Variants in PCBP3 observed in about 807,000 individuals in gnomAD.
PCBP3 encodes the protein poly(rC) binding protein 3, also known as poly(rC)-binding protein 3.
Under a neutral mutation model 52.7 loss-of-function variants are expected in PCBP3, and 25 were observed. That is an observed-to-expected ratio of 0.47 (90% CI 0.35 to 0.66). PCBP3 has a LOEUF of 0.66. Ranked by LOEUF, PCBP3 falls within the 30% of genes least tolerant of loss-of-function variation. PCBP3 has a pLI of 0.01. For missense variants in PCBP3, 391 were observed against 490.3 expected, an observed-to-expected ratio of 0.80 and a Z score of 1.91; for synonymous variants, 162 against 183.0, an observed-to-expected ratio of 0.89 and a Z score of 0.93.
chr21:45,930,459 G>A (rs910258230), intron 14 of PCBP3, among the ~76,000 whole-genome samples: 2 of 152,200 alleles, frequency 1.3e-5, no homozygotes, highest in Non-Finnish European at 2.9e-5. Flanking sequence ...CAGGAGAGCA[G>A]TGACCCGAGT....
chr21:45,781,207 A>G (rs190948585), intron 4 of PCBP3, among the ~76,000 whole-genome samples: 26 of 152,312 alleles, frequency 1.7e-4, no homozygotes, highest in Admixed American at 5.9e-4. Context: ...AAAATTCACT[A>G]CATTCTCTTA....
intron 4 of PCBP3, among the ~76,000 whole-genome samples, chr21:45,783,537 G>A (rs918389829): frequency 1.3e-5 from 2 of 152,240 alleles, no homozygotes; most frequent in Admixed American, 6.5e-5. Flanking sequence ...GGAGAAGGGG[G>A]GAAGGTCACA....
chr21:45,730,517 T>C (rs1228732164), intron 2 of PCBP3, among the ~76,000 whole-genome samples: 2 of 152,166 alleles, frequency 1.3e-5, no homozygotes, highest in Non-Finnish European at 2.9e-5. Context: ...TATAATTGTG[T>C]GGAGTGTTCT....
At position 45,827,320 on chromosome 21, in the gene PCBP3, AAAG is replaced by A. The variant is rs1382750124; in HGVS notation, c.-125-22636_-125-22634del. ...GGAGGAGGCCGGTGAAAATGAGATA[AAAG>A]AAGATCTGGACATGATCATCACGTC... On this transcript the variant is annotated intron_variant, in intron 4 of 17. Transcript: ENST00000681687. The surrounding 1 kb of genome is among the most constrained non-coding windows in gnomAD (Gnocchi z 4.3). 1.3e-5 allele frequency among the ~76,000 whole-genome samples: 2 copies of A among 152,158 alleles called. No individual in the cohort carries two copies. The highest frequency in any genetic ancestry group is 2.9e-5 in the Non-Finnish European group (2 of 68,032).
At chr21:45,851,120 TA>T (rs1444999193) in intron 5 of PCBP3, among the ~76,000 whole-genome samples, 1 of 152,158 alleles carries the variant, frequency 6.6e-6, no homozygotes, top group Non-Finnish European at 1.5e-5. Context: ...CAAGGATCCA[TA>T]AGGCAGAAAT....
chr21:45,893,633 G>T, intron 5 of PCBP3: 1 of 423,244 alleles, frequency 2.4e-6, no homozygotes, highest in Non-Finnish European at 2.7e-6. Flanking sequence ...GGTGGGTGGG[G>T]ACCCAGGCCC....
intron 2 of PCBP3, among the ~76,000 whole-genome samples, chr21:45,694,788 T>G (rs1266291248): frequency 6.6e-6 from 1 of 152,172 alleles, no homozygotes; most frequent in Non-Finnish European, 1.5e-5. Context: ...CAACAGAATA[T>G]CATTGAGAAA....
intron 1 of PCBP3, among the ~76,000 whole-genome samples, chr21:45,648,015 G>T (rs1218815181): frequency 6.6e-6 from 1 of 152,192 alleles, no homozygotes; most frequent in East Asian, 1.9e-4. Flanking sequence ...AGCTGCCATT[G>T]CTGGCTTTGA....
chr21:45,647,446 T>C (rs1259979014), intron 1 of PCBP3, among the ~76,000 whole-genome samples: 1 of 152,132 alleles, frequency 6.6e-6, no homozygotes, highest in African/African-American at 2.4e-5. Context: ...AGTGCTGCAG[T>C]TGGGATACAT....
chr21:45,913,788 G>T (rs1400568658), intron 11 of PCBP3, among the ~76,000 whole-genome samples, 163 bp from the exon 12 acceptor site: 3 of 152,064 alleles, frequency 2.0e-5, no homozygotes, highest in Non-Finnish European at 2.9e-5. Context: ...GGGGCTGGAG[G>T]TCTTCACTCC....
intron 4 of PCBP3, among the ~76,000 whole-genome samples, chr21:45,820,094 TG>T (rs1157611214): frequency 1.3e-5 from 2 of 152,266 alleles, no homozygotes; most frequent in East Asian, 3.8e-4. Flanking sequence ...CCACTGGCTC[TG>T]ACCCATGGAC....
chr21:45,909,630 G>C lies in PCBP3; in HGVS notation c.471+144G>C, dbSNP rs1032365132. 10 of 749,448 alleles carry C rather than the reference G, an allele frequency of 1.3e-5. No individual in the cohort carries two copies. The African/African-American group carries it at 1.8e-4, about 13-fold the overall frequency. 46.4% of individuals were successfully genotyped at this position (749,448 alleles called of 1,614,324 possible). A position where few individuals can be genotyped will look rare whatever the true frequency, so the allele number is the denominator to read the frequency against. On this transcript the variant is annotated intron_variant, in intron 10 of 17. Coordinates refer to ENST00000681687, the MANE Select transcript of PCBP3 (RefSeq NM_001384156.1). ...CCACGCAGACCCCACAGCTCAAAGT[G>C]CGAGACAGGAACACAGGACCCATGA...
At chr21:45,661,274 C>T (rs905559647) in intron 1 of PCBP3, among the ~76,000 whole-genome samples, 1 of 151,998 alleles carries the variant, frequency 6.6e-6, no homozygotes, top group Admixed American at 6.5e-5. Context: ...ACATTTTAAC[C>T]ATTAGGTAAT....
chr21:45,659,007 C>T (rs1490554673), intron 1 of PCBP3, among the ~76,000 whole-genome samples: 1 of 149,402 alleles, frequency 6.7e-6, no homozygotes, highest in African/African-American at 2.5e-5. Context: ...AGTTTTCTTT[C>T]TGATTTTAGT....
chr21:45,820,313 C>T (rs868645056), intron 4 of PCBP3, among the ~76,000 whole-genome samples: 1 of 152,272 alleles, frequency 6.6e-6, no homozygotes, highest in African/African-American at 2.4e-5. Flanking sequence ...GAGGTCGTTG[C>T]GCCTACCTGG....
intron 15 of PCBP3, 32 bp downstream of exon 15, chr21:45,930,877 G>C (rs766110130): frequency 1.2e-6 from 2 of 1,612,248 alleles, no homozygotes; most frequent in Non-Finnish European, 1.7e-6. Flanking sequence ...AGGAGAACAG[G>C]CCAGGGCAGC....
At chr21:45,787,994 C>T (rs530911261) in intron 4 of PCBP3, among the ~76,000 whole-genome samples, 1 of 152,014 alleles carries the variant, frequency 6.6e-6, no homozygotes, top group East Asian at 1.9e-4. Context: ...ACTGGGGAGA[C>T]CTACGGGGGA....
chr21:45,658,117 G>A (rs1413152846), intron 1 of PCBP3, among the ~76,000 whole-genome samples: 2 of 152,112 alleles, frequency 1.3e-5, no homozygotes, highest in Non-Finnish European at 2.9e-5. Flanking sequence ...TATCATGAAA[G>A]CGTGTTGAAT....
chr21:45,893,927 A>G lies in PCBP3; in HGVS notation c.11-2281A>G, dbSNP rs114246569. ...GTAGCCACTGAGCTGCCCCATGGAC[A>G]CTGGGCAGATGGCCAGTGTTAGCTG... On this transcript the variant is annotated intron_variant, in intron 5 of 17. Transcript: ENST00000681687. The G allele has an allele frequency of 4.5e-3, 4,423 of 985,422 alleles. 144 individuals carry two copies. In the African/African-American group the frequency reaches 0.071, roughly 16 times the overall value. 61.0% of individuals were successfully genotyped at this position (985,422 alleles called of 1,614,324 possible). A position where few individuals can be genotyped will look rare whatever the true frequency, so the allele number is the denominator to read the frequency against.
Sources: allele counts gnomAD v4.1 joint callset (sites outside exome capture counted in the v4.1 genomes callset), GRCh38; gene constraint gnomAD v4.1.1; non-coding constraint Gnocchi (gnomAD v3.1); transcripts MANE v1.5; gene names NCBI Gene and HGNC (gene_info 2026-07-23, HGNC 2026-07-21).